Variants in CDH18 observed in about 807,000 individuals in gnomAD.
The protein encoded by CDH18 is cadherin 18.
CDH18 carries 31 observed loss-of-function variants against 67.9 expected under a neutral mutation model. That is an observed-to-expected ratio of 0.46 (90% CI 0.34 to 0.62). The LOEUF (loss-of-function observed/expected upper bound fraction) is 0.62, where lower values mean the gene tolerates loss of function less well. CDH18 is among the 20% of genes least tolerant of loss of function. CDH18 has a pLI of 0.01. For synonymous variants in CDH18, 362 were observed against 347.2 expected (o/e 1.04, Z -0.48); for missense variants, 890 against 975.5 (o/e 0.91, Z 1.17).
chr5:19,838,911 C>A lies in CDH18; in HGVS notation c.76G>T (p.Ala26Ser). ...ATCACCTTGATGGAGCTGTGGTGAG[C>A]AGTTCCATAACACCTCTGCACAAAA... The part of the protein sequence containing the change: ...LCFVQRCYGT[A>S]HHSSIKVMRN... The change falls in exon 3 of 13, where the codon GCT (alanine) becomes TCT (serine). Residue 26 changes from alanine to serine, a missense_variant. Physicochemically the swap from Ala to Ser is moderately conservative, Grantham distance 99. Coordinates refer to ENST00000382275, the MANE Select transcript of CDH18 (RefSeq NM_004934.5). 1.2e-6 allele frequency: 2 copies of A among 1,614,094 alleles called. No individual in the cohort carries two copies. The highest frequency in any genetic ancestry group is 1.7e-6 in the Non-Finnish European group (2 of 1,179,954).
At chr5:19,702,930 T>C (rs969873707) in intron 5 of CDH18, among the ~76,000 whole-genome samples, 2 of 152,194 alleles carry the variant, frequency 1.3e-5, no homozygotes, top group African/African-American at 2.4e-5. Context: ...GATCTGTGCC[T>C]TAAGGACATG....
At chr5:20,275,729 C>T (rs1451524837) in intron 1 of CDH18, among the ~76,000 whole-genome samples, 1 of 152,144 alleles carries the variant, frequency 6.6e-6, no homozygotes, top group Non-Finnish European at 1.5e-5. Flanking sequence ...TAATAAGAAT[C>T]AAACTTCAGG....
chr5:20,324,847 G>C lies in CDH18; in HGVS notation c.-579-69342C>G, dbSNP rs148080223. On this transcript the variant is annotated intron_variant, in intron 1 of 14. Coordinates refer to the CDH18 transcript ENST00000507958. ...AGTATCTATTTATACATTGATTTCA[G>C]CATTACTTTTCTATGTGTATGTGTG... 1.1e-3 allele frequency among the ~76,000 whole-genome samples: 168 copies of C among 152,226 alleles called. No homozygotes were observed. The East Asian group carries it at 0.029, about 26-fold the overall frequency.
At chr5:20,370,905 C>G (rs1469737483) in intron 1 of CDH18, among the ~76,000 whole-genome samples, 4 of 151,948 alleles carry the variant, frequency 2.6e-5, no homozygotes, top group Admixed American at 2.6e-4. Flanking sequence ...GGTGTGGTGG[C>G]AGGCATCTGT....
intron 5 of CDH18, among the ~76,000 whole-genome samples, chr5:19,713,677 CAATTATCTAATAAAT>C (rs1764997569): frequency 6.6e-6 from 1 of 151,986 alleles, no homozygotes; most frequent in Non-Finnish European, 1.5e-5. Flanking sequence ...TTTGGAAATA[CAATTATCTAATAAAT>C]ATGCATTCTC....
intron 2 of CDH18, among the ~76,000 whole-genome samples, chr5:20,249,192 A>G (rs897525262): frequency 3.9e-5 from 6 of 152,166 alleles, no homozygotes; most frequent in African/African-American, 1.4e-4. Flanking sequence ...GTGATCAAGC[A>G]AAATTCATTA....
At chr5:20,015,778 G>T (rs921805624) in intron 2 of CDH18, among the ~76,000 whole-genome samples, 10 of 152,042 alleles carry the variant, frequency 6.6e-5, no homozygotes, top group African/African-American at 2.4e-4. Flanking sequence ...CAACAGAAAT[G>T]GCAGACCATT....
intron 2 of CDH18, among the ~76,000 whole-genome samples, chr5:20,252,836 C>A (rs1158847815): frequency 1.3e-5 from 2 of 151,608 alleles, no homozygotes; most frequent in African/African-American, 4.8e-5. Context: ...ACTTGGGAGA[C>A]TGAGGCAGGA....
intron 2 of CDH18, among the ~76,000 whole-genome samples, chr5:19,906,743 A>G (rs1790581115): frequency 6.6e-6 from 1 of 152,004 alleles, no homozygotes; most frequent in Admixed American, 6.6e-5. Context: ...TATGGTTAAC[A>G]TTGCAACATT....
chr5:19,881,506 CTTTT>C (rs559703821), intron 2 of CDH18, among the ~76,000 whole-genome samples: 1 of 121,944 alleles, frequency 8.2e-6, no homozygotes. Context: ...TCTTCAAGTG[CTTTT>C]TTTTTTTTTT....
chr5:19,912,307 T>C (rs528959649), intron 2 of CDH18, among the ~76,000 whole-genome samples: 1 of 152,212 alleles, frequency 6.6e-6, no homozygotes, highest in East Asian at 1.9e-4. Flanking sequence ...TTAAAGAAGA[T>C]AAATGAATAC....
chr5:20,442,178 T>C (rs1157024581), intron 1 of CDH18, among the ~76,000 whole-genome samples: 1 of 151,998 alleles, frequency 6.6e-6, no homozygotes, highest in East Asian at 1.9e-4. Context: ...GGTAACACGG[T>C]TGGCTTACCA....
intron 4 of CDH18, among the ~76,000 whole-genome samples, chr5:19,745,272 G>C (rs1769833232): frequency 6.6e-6 from 1 of 152,102 alleles, no homozygotes; most frequent in Non-Finnish European, 1.5e-5. Context: ...AAAGCAAAAG[G>C]CTTTGAGTTA....
intron 2 of CDH18, among the ~76,000 whole-genome samples, chr5:19,950,173 T>C (rs979899765): frequency 4.0e-5 from 6 of 151,774 alleles, no homozygotes; most frequent in Admixed American, 1.3e-4. Flanking sequence ...ACATACACCA[T>C]GAAATACTAC....
intron 7 of CDH18, among the ~76,000 whole-genome samples, chr5:19,572,190 T>C (rs949326442): frequency 1.3e-5 from 2 of 152,144 alleles, no homozygotes; most frequent in Admixed American, 1.3e-4. Context: ...TTTAGCATGA[T>C]TGATATAAAA....
chr5:19,973,541 G>A (rs1798224542), intron 2 of CDH18, among the ~76,000 whole-genome samples: 1 of 152,042 alleles, frequency 6.6e-6, no homozygotes, highest in South Asian at 2.1e-4. Flanking sequence ...ACTTGGAGGT[G>A]AGAAAAAAGG....
chr5:20,062,751 G>A (rs886240086), intron 2 of CDH18, among the ~76,000 whole-genome samples: 3 of 151,542 alleles, frequency 2.0e-5, no homozygotes, highest in African/African-American at 2.4e-5. Context: ...AAAAGGAAAT[G>A]TTAGACACAT....
intron 1 of CDH18, among the ~76,000 whole-genome samples, chr5:20,434,488 G>A (rs1164877572): frequency 6.6e-6 from 1 of 151,976 alleles, no homozygotes; most frequent in East Asian, 1.9e-4. Flanking sequence ...AAAACGTATT[G>A]TGTGTATCTT....
chr5:20,518,624 T>C (rs912715308), intron 1 of CDH18, among the ~76,000 whole-genome samples: 2 of 152,164 alleles, frequency 1.3e-5, no homozygotes, highest in South Asian at 4.1e-4. Flanking sequence ...TTTTTAAAAT[T>C]ACAGATGATT....
Sources: allele counts gnomAD v4.1 joint callset (sites outside exome capture counted in the v4.1 genomes callset), GRCh38; gene constraint gnomAD v4.1.1; transcripts MANE v1.5; gene names NCBI Gene and HGNC (gene_info 2026-07-23, HGNC 2026-07-21).